Variants in TOM1L1 observed in about 807,000 individuals in gnomAD.
TOM1L1 encodes TOM1-like protein 1.
A neutral mutation model predicts 63.4 loss-of-function variants in TOM1L1; 64 were observed. The observed-to-expected ratio is 1.01, with a 90% CI of 0.83 to 1.24. The LOEUF is 1.24. TOM1L1 is among the 50% of genes most tolerant of loss of function. The probability of loss-of-function intolerance (pLI) is 0.00; values close to 1 mark genes in which losing one functional copy is unlikely to be tolerated. For missense variants in TOM1L1, 536 were observed against 567.0 expected (o/e 0.95, Z 0.55); for synonymous variants, 166 against 194.4 (o/e 0.85, Z 1.22).
At chr17:54,931,944 T>A (rs948056084) in intron 8 of TOM1L1, among the ~76,000 whole-genome samples, 1 of 82,348 alleles carries the variant, frequency 1.2e-5, no homozygotes, top group Non-Finnish European at 2.4e-5. Context: ...TTTTCTTTTT[T>A]CTTCGTTTTT....
At chr17:54,942,263 A>ATT (rs5821080) in intron 11 of TOM1L1, 3,934 of 140,432 alleles carry the variant, frequency 0.028, 180 homozygotes, top group African/African-American at 0.087. Context: ...CACCCATCTA[A>ATT]TTTTTTTTTT....
chr17:54,929,529 G>A (rs9916547), intron 7 of TOM1L1, among the ~76,000 whole-genome samples: 43,892 of 151,960 alleles, frequency 0.29, 6,373 homozygotes, highest in Middle Eastern at 0.31. Flanking sequence ...TAAGTACAAC[G>A]TAACAGGAAA....
chr17:54,906,875 G>A lies in TOM1L1; in HGVS notation c.222+1308G>A, dbSNP rs1157511576. The A allele has an allele frequency of 1.2e-5, 11 of 928,050 alleles. No individual in the cohort carries two copies. In the East Asian group the frequency reaches 7.0e-4, roughly 59 times the overall value. 57.5% of individuals were successfully genotyped at this position (928,050 alleles called of 1,614,324 possible). A position where few individuals can be genotyped will look rare whatever the true frequency, so the allele number is the denominator to read the frequency against. On this transcript the variant is annotated intron_variant, in intron 3 of 15. Coordinates refer to ENST00000575882, the MANE Select transcript of TOM1L1 (RefSeq NM_005486.3). Reference sequence around the variant, plus strand: ...TGTAGCTTTCTGATTTATTCTGCACGCCTTTGTTTATCTCAGCCCAGCCCA... The same window carrying A: ...TGTAGCTTTCTGATTTATTCTGCACACCTTTGTTTATCTCAGCCCAGCCCA...
Position 54,937,373 on chromosome 17 carries a change from G to A in TOM1L1, c.1033+147G>A, listed in dbSNP as rs182171464. The A allele has an allele frequency of 2.7e-4, 186 of 680,070 alleles. No individual in the cohort carries two copies. In the Middle Eastern group the frequency reaches 2.9e-3, roughly 11 times the overall value. 42.1% of individuals were successfully genotyped at this position (680,070 alleles called of 1,614,324 possible). ...ATGTTAGGAGATGTGATTACTTCCC[G>A]GCAAATGGTTGAGTCAAACCCAGTA... On this transcript the variant is annotated intron_variant, in intron 10 of 15. Transcript: ENST00000575882.
intron 12 of TOM1L1, 22 bp downstream of exon 12, chr17:54,947,334 T>C (rs753264603): frequency 6.2e-7 from 1 of 1,611,808 alleles, no homozygotes; most frequent in Non-Finnish European, 8.5e-7. Context: ...AACTCTTTTC[T>C]AGCAGTGCAT....
At chr17:54,934,194 G>A (rs958418725) in intron 8 of TOM1L1, among the ~76,000 whole-genome samples, 1 of 152,176 alleles carries the variant, frequency 6.6e-6, no homozygotes, top group African/African-American at 2.4e-5. Context: ...CTGTTTTAGG[G>A]TAAAGATCTT....
intron 11 of TOM1L1, among the ~76,000 whole-genome samples, chr17:54,943,596 C>T (rs2049067642): frequency 6.6e-6 from 1 of 151,920 alleles, no homozygotes; most frequent in South Asian, 2.1e-4. Context: ...TACATGTACA[C>T]ACACACATAT....
At chr17:54,937,372 C>T (rs947933604) in intron 10 of TOM1L1, 146 bp downstream of exon 10, 10 of 680,824 alleles carry the variant, frequency 1.5e-5, no homozygotes, top group African/African-American at 1.1e-4. Flanking sequence ...GATTACTTCC[C>T]GGCAAATGGT....
At chr17:54,928,102 A>G (rs2048797332) in intron 7 of TOM1L1, among the ~76,000 whole-genome samples, 1 of 152,210 alleles carries the variant, frequency 6.6e-6, no homozygotes, top group Non-Finnish European at 1.5e-5. Flanking sequence ...ACAAAGGAAA[A>G]GTTCTCATTC....
At chr17:54,904,293 C>T (rs1022449703) in intron 2 of TOM1L1, among the ~76,000 whole-genome samples, 4 of 150,564 alleles carry the variant, frequency 2.7e-5, no homozygotes, top group Non-Finnish European at 5.9e-5. Flanking sequence ...TGGCGTGAGC[C>T]TGGGAGGTGG....
chr17:54,923,741 TC>T (rs2048721502), intron 7 of TOM1L1, among the ~76,000 whole-genome samples: 5 of 152,110 alleles, frequency 3.3e-5, no homozygotes, highest in Non-Finnish European at 5.9e-5. Context: ...ATACAGGGTT[TC>T]ACCATGTTGG....
chr17:54,948,452 C>A (rs546375840), intron 12 of TOM1L1, among the ~76,000 whole-genome samples: 79 of 152,316 alleles, frequency 5.2e-4, no homozygotes, highest in African/African-American at 1.9e-3. Context: ...TCTATTCCAA[C>A]CACACTGGCC....
intron 8 of TOM1L1, among the ~76,000 whole-genome samples, chr17:54,934,215 A>G (rs1426829315): frequency 6.6e-6 from 1 of 152,200 alleles, no homozygotes; most frequent in African/African-American, 2.4e-5. Flanking sequence ...GAGGCCCACA[A>G]GGAGTTTTCT....
At chr17:54,903,320 C>T (rs974576823) in intron 1 of TOM1L1, among the ~76,000 whole-genome samples, 2 of 152,368 alleles carry the variant, frequency 1.3e-5, no homozygotes, top group Middle Eastern at 3.4e-3. Flanking sequence ...ATCTCATCAT[C>T]TCTCACAGTG....
intron 1 of TOM1L1, among the ~76,000 whole-genome samples, chr17:54,901,962 G>A (rs936120618): frequency 4.6e-5 from 7 of 151,988 alleles, no homozygotes; most frequent in African/African-American, 1.7e-4. Context: ...GTCTTCATAG[G>A]CAAACGAAAC....
intron 11 of TOM1L1, among the ~76,000 whole-genome samples, chr17:54,942,809 C>G (rs2049053277): frequency 6.6e-6 from 1 of 152,180 alleles, no homozygotes; most frequent in Non-Finnish European, 1.5e-5. Context: ...AGCAAAACTG[C>G]CGTGTGCTAT....
At chr17:54,916,213 A>G in intron 7 of TOM1L1, 1 of 342,672 alleles carries the variant, frequency 2.9e-6, no homozygotes. Context: ...TAGAAATGAG[A>G]AGGAGGCTAT....
At chr17:54,938,831 C>CTTTTTTTTT in intron 10 of TOM1L1, 93 bp from the exon 11 acceptor site, 1 of 577,536 alleles carries the variant, frequency 1.7e-6, no homozygotes, top group Non-Finnish European at 2.8e-6. Context: ...TTTTCTTTTT[C>CTTTTTTTTT]TTTTTTCTTT....
intron 14 of TOM1L1, chr17:54,959,051 G>A (rs1409056078): frequency 6.6e-6 from 1 of 152,190 alleles, no homozygotes; most frequent in African/African-American, 2.4e-5. Flanking sequence ...GACATTTAAT[G>A]TATTAAGAAT....
Sources: gnomAD v4.1 joint callset for allele counts (sites outside exome capture counted in the v4.1 genomes callset) on GRCh38, gnomAD v4.1.1 for gene constraint, MANE v1.5 for transcripts, NCBI Gene and HGNC (gene_info 2026-07-23, HGNC 2026-07-21) for gene names.